The following RBFOX1 variants were observed in gnomAD, a reference collection of about 807,000 sequenced individuals.
RBFOX1 encodes RNA binding fox-1 homolog 1, also known as RNA binding protein fox-1 homolog 1.
A neutral mutation model predicts 57.7 loss-of-function variants in RBFOX1; 8 were observed. The observed-to-expected ratio is 0.14, with a 90% CI of 0.08 to 0.25. RBFOX1 has a LOEUF of 0.25. Ranked by LOEUF, RBFOX1 falls within the 10% of genes least tolerant of loss-of-function variation. RBFOX1 has a pLI of 1.00. For synonymous variants in RBFOX1, 326 were observed against 222.4 expected (o/e 1.47, Z -4.15); for missense variants, 611 against 548.5 (o/e 1.11, Z -1.14).
At chr16:5,760,168 G>T (rs779928701) in intron 3 of RBFOX1, among the ~76,000 whole-genome samples, 47 of 152,142 alleles carry the variant, frequency 3.1e-4, no homozygotes, top group Non-Finnish European at 5.4e-4. Flanking sequence ...GTCCAGATTT[G>T]CCCGGAATGT....
At chr16:5,745,649 A>G (rs1243129585) in intron 3 of RBFOX1, among the ~76,000 whole-genome samples, 1 of 152,160 alleles carries the variant, frequency 6.6e-6, no homozygotes, top group Non-Finnish European at 1.5e-5. Flanking sequence ...CTGGTGTGAG[A>G]TGGTATCTCA....
chr16:5,890,473 C>T (rs1339865885), intron 4 of RBFOX1, among the ~76,000 whole-genome samples: 1 of 152,002 alleles, frequency 6.6e-6, no homozygotes, highest in Non-Finnish European at 1.5e-5. Context: ...CTGAGGCGGG[C>T]AGATCACGAG....
chr16:5,824,900 G>T (rs1486580691), intron 3 of RBFOX1, among the ~76,000 whole-genome samples: 3 of 152,186 alleles, frequency 2.0e-5, no homozygotes, highest in Non-Finnish European at 4.4e-5. Flanking sequence ...GGACTCCAGT[G>T]ACATAACTAG....
At chr16:5,516,891 CTG>C (rs1339870129) in intron 2 of RBFOX1, among the ~76,000 whole-genome samples, 3 of 152,168 alleles carry the variant, frequency 2.0e-5, no homozygotes, top group East Asian at 1.9e-4. Flanking sequence ...CCGTGCAGAA[CTG>C]TGAGTCAATT....
At chr16:6,961,919 C>G (rs74008486) in intron 3 of RBFOX1, among the ~76,000 whole-genome samples, 3,283 of 152,216 alleles carry the variant, frequency 0.022, 124 homozygotes, top group African/African-American at 0.075. Flanking sequence ...TCAGCAGGGT[C>G]TTTATGAGCT....
At chr16:7,173,096 G>C (rs984105392) in intron 4 of RBFOX1, among the ~76,000 whole-genome samples, 2 of 152,110 alleles carry the variant, frequency 1.3e-5, no homozygotes, top group African/African-American at 2.4e-5. Flanking sequence ...AGAAAGACTA[G>C]GGTTTAGTAT....
intron 2 of RBFOX1, among the ~76,000 whole-genome samples, chr16:6,317,811 A>G (rs1442218530): frequency 1.3e-5 from 2 of 152,198 alleles, no homozygotes; most frequent in Non-Finnish European, 1.5e-5. Context: ...AGCTTGTTTT[A>G]AGAAGAAATC....
At chr16:6,188,380 A>G (rs1213546155) in intron 1 of RBFOX1, among the ~76,000 whole-genome samples, 6 of 148,896 alleles carry the variant, frequency 4.0e-5, no homozygotes, top group Middle Eastern at 3.2e-3. Context: ...TAGAGCTTTG[A>G]GAAGAAATTT....
intron 14 of RBFOX1, among the ~76,000 whole-genome samples, chr16:7,695,657 A>C (rs2078579871): frequency 6.6e-6 from 1 of 151,282 alleles, no homozygotes; most frequent in African/African-American, 2.4e-5. Context: ...ATCAAAAAAA[A>C]AAAAAAAAAA....
intron 3 of RBFOX1, among the ~76,000 whole-genome samples, chr16:6,916,521 C>T (rs2073201192): frequency 6.6e-6 from 1 of 151,438 alleles, no homozygotes; most frequent in Non-Finnish European, 1.5e-5. Flanking sequence ...CTACGACCAT[C>T]TCCAGGACCA....
At chr16:7,579,629 AATGC>A (rs1301049845) in intron 5 of RBFOX1, 144 bp from the exon 6 acceptor site, 30 of 876,534 alleles carry the variant, frequency 3.4e-5, no homozygotes, top group East Asian at 7.7e-5. Flanking sequence ...TTGCTGAATG[AATGC>A]ATGCATGCAT....
At chr16:6,440,933 G>A (rs975484259) in intron 2 of RBFOX1, among the ~76,000 whole-genome samples, 1 of 152,150 alleles carries the variant, frequency 6.6e-6, no homozygotes, top group Non-Finnish European at 1.5e-5. Flanking sequence ...ATGGATGCTT[G>A]ATATTCAGAG....
At chr16:7,250,980 A>G (rs1359474043) in intron 4 of RBFOX1, among the ~76,000 whole-genome samples, 1 of 151,120 alleles carries the variant, frequency 6.6e-6, no homozygotes, top group Non-Finnish European at 1.5e-5. Context: ...AGGCTAATTA[A>G]TACGTGTATT....
chr16:6,416,746 C>A (rs181937509), intron 2 of RBFOX1, among the ~76,000 whole-genome samples: 1 of 152,136 alleles, frequency 6.6e-6, no homozygotes, highest in Non-Finnish European at 1.5e-5. Flanking sequence ...CCTTGTCCAG[C>A]AATACCATAC....
intron 4 of RBFOX1, among the ~76,000 whole-genome samples, chr16:7,349,926 C>T (rs2097096660): frequency 6.6e-6 from 1 of 152,142 alleles, no homozygotes; most frequent in African/African-American, 2.4e-5. Context: ...GTGGGTGGAT[C>T]ACTTGAGGTC....
Position 6,679,440 on chromosome 16 carries a change from G to C in RBFOX1, c.-16+24790G>C, listed in dbSNP as rs116775558. On this transcript the variant is annotated intron_variant, in intron 3 of 15. Coordinates refer to ENST00000550418, the MANE Select transcript of RBFOX1 (RefSeq NM_018723.4). The stretch of plus-strand genomic sequence containing the variant: ...GCTGCAGACATCATTGCAGTGCCTC[G>C]TTTCTTGGTCTCACTTTCCTTTCTT... Among the ~76,000 whole-genome samples, 250 of 152,140 alleles carry C rather than the reference G, an allele frequency of 1.6e-3. No individual in the cohort carries two copies. In the East Asian group the frequency reaches 0.028, roughly 17 times the overall value.
intron 2 of RBFOX1, among the ~76,000 whole-genome samples, chr16:6,499,491 A>G (rs1489936259): frequency 6.6e-6 from 1 of 152,182 alleles, no homozygotes; most frequent in Admixed American, 6.5e-5. Context: ...TTAGATTTGT[A>G]ATAAGCACAA....
At chr16:5,276,227 A>G (rs2063137272) in intron 1 of RBFOX1, among the ~76,000 whole-genome samples, 1 of 152,246 alleles carries the variant, frequency 6.6e-6, no homozygotes, top group African/African-American at 2.4e-5. Context: ...CAAAGGAAAT[A>G]AACAGCAGAG....
intron 4 of RBFOX1, chr16:7,126,724 C>T (rs1176281275): frequency 6.6e-6 from 1 of 151,974 alleles, no homozygotes; most frequent in East Asian, 1.9e-4. Flanking sequence ...TACATTGGCT[C>T]ACGCCTGTAA....
Sources: gnomAD v4.1 joint callset for allele counts (sites outside exome capture counted in the v4.1 genomes callset) on GRCh38, gnomAD v4.1.1 for gene constraint, MANE v1.5 for transcripts, NCBI Gene and HGNC (gene_info 2026-07-23, HGNC 2026-07-21) for gene names.